PLCB1: variants seen among roughly 807,000 people sequenced by gnomAD.
PLCB1 encodes phospholipase C beta 1.
In PLCB1, 46 loss-of-function variants were observed where a neutral mutation model predicts 161.8. That is an observed-to-expected ratio of 0.28 (90% confidence interval 0.22 to 0.36). PLCB1 has a LOEUF of 0.36. Among genes scored for constraint, PLCB1 ranks in the 10% least tolerant of loss-of-function variants. The pLI is 1.00. For synonymous variants in PLCB1, 517 were observed against 503.7 expected (o/e 1.03, Z -0.35); for missense variants, 1,016 against 1,472.5 (o/e 0.69, Z 5.07).
At chr20:8,554,235 C>T (rs1262824653) in intron 3 of PLCB1, among the ~76,000 whole-genome samples, 1 of 152,060 alleles carries the variant, frequency 6.6e-6, no homozygotes, top group East Asian at 1.9e-4. Context: ...CTCCTATGGC[C>T]TAACAATTCC....
intron 3 of PLCB1, among the ~76,000 whole-genome samples, chr20:8,510,662 A>G (rs1034887669): frequency 5.9e-5 from 9 of 152,112 alleles, no homozygotes; most frequent in Non-Finnish European, 7.4e-5. Flanking sequence ...AAGTGCTGGG[A>G]TTACAGGCGT....
chr20:8,244,401 A>G (rs1192280204), intron 2 of PLCB1, among the ~76,000 whole-genome samples: 1 of 152,006 alleles, frequency 6.6e-6, no homozygotes, highest in Non-Finnish European at 1.5e-5. Flanking sequence ...CTGTTCAGCA[A>G]TAAAAAGAAT....
intron 31 of PLCB1, among the ~76,000 whole-genome samples, chr20:8,840,541 C>T (rs186365425): frequency 1.2e-3 from 187 of 152,292 alleles, no homozygotes; most frequent in African/African-American, 4.3e-3. Flanking sequence ...GAGGGACTGG[C>T]TTGAGCAAAT....
chr20:8,180,214 G>A (rs1159085614), intron 2 of PLCB1, among the ~76,000 whole-genome samples: 1 of 152,138 alleles, frequency 6.6e-6, no homozygotes, highest in Non-Finnish European at 1.5e-5. Flanking sequence ...CTGTAATCGT[G>A]TGGTTTTTGG....
intron 11 of PLCB1, among the ~76,000 whole-genome samples, chr20:8,701,281 C>T (rs1482964812): frequency 6.6e-6 from 1 of 152,174 alleles, no homozygotes; most frequent in African/African-American, 2.4e-5. Flanking sequence ...CACTGGGCTC[C>T]AACAGTACTG....
intron 2 of PLCB1, among the ~76,000 whole-genome samples, chr20:8,320,660 A>G (rs1984868490): frequency 2.0e-5 from 3 of 152,178 alleles, no homozygotes; most frequent in Admixed American, 1.3e-4. Context: ...GGTGTTTTTC[A>G]TCCTTCTCTG....
In PLCB1 at chr20:8,132,877, C is replaced by T; in HGVS notation, c.99+127C>T. ...GGGAGCGGGCAGGGGCAGCCTCGGG[C>T]GCACAGGTTGGCATCTGCCAAAGCG... is the stretch of plus-strand genomic sequence containing the variant. On this transcript the variant is annotated intron_variant, in intron 1 of 31. Coordinates refer to ENST00000338037, the MANE Select transcript of PLCB1 (RefSeq NM_015192.4). This position sits in a 1 kb window ranked among gnomAD's most constrained non-coding sequence, Gnocchi z 5.2. 4.4e-6 allele frequency: 3 copies of T among 680,490 alleles called. No individual in the cohort carries two copies. The highest frequency in any genetic ancestry group is 2.3e-5 in the Admixed American group (1 of 42,880). The allele number at this position is 680,490 out of a possible 1,614,324, so 42.2% of individuals were successfully genotyped here.
intron 2 of PLCB1, among the ~76,000 whole-genome samples, chr20:8,253,376 C>T (rs999213529): frequency 1.3e-5 from 2 of 151,948 alleles, no homozygotes; most frequent in African/African-American, 2.4e-5. Context: ...TTATATATGT[C>T]AGTCTATCTC....
chr20:8,544,081 C>CTGGG (rs931736963), intron 3 of PLCB1, among the ~76,000 whole-genome samples: 1 of 152,136 alleles, frequency 6.6e-6, no homozygotes, highest in Admixed American at 6.5e-5. Context: ...TGCTCACAAC[C>CTGGG]TGGGTGACAG....
intron 2 of PLCB1, among the ~76,000 whole-genome samples, chr20:8,292,247 T>C (rs1187628885): frequency 6.6e-6 from 1 of 152,044 alleles, no homozygotes. Context: ...TCAAAAAGCT[T>C]CTGCTTGCCT....
intron 2 of PLCB1, among the ~76,000 whole-genome samples, chr20:8,359,444 A>T (rs1156362224): frequency 6.6e-6 from 1 of 152,204 alleles, no homozygotes. Flanking sequence ...TAAAGAGAAT[A>T]TGAACATATT....
intron 31 of PLCB1, among the ~76,000 whole-genome samples, chr20:8,804,070 C>T (rs750972300): frequency 2.0e-5 from 3 of 151,822 alleles, no homozygotes; most frequent in Non-Finnish European, 4.4e-5. Context: ...TGGGATTACA[C>T]GTGTGAGCCA....
At chr20:8,569,452 T>C (rs1986437831) in intron 3 of PLCB1, among the ~76,000 whole-genome samples, 1 of 152,204 alleles carries the variant, frequency 6.6e-6, no homozygotes, top group Non-Finnish European at 1.5e-5. Context: ...GGCAGGGTAC[T>C]GTTGGTACTA....
chr20:8,768,730 C>G (rs1366958482), intron 26 of PLCB1, among the ~76,000 whole-genome samples: 1 of 152,206 alleles, frequency 6.6e-6, no homozygotes, highest in Non-Finnish European at 1.5e-5. Flanking sequence ...GTGGTGCCCC[C>G]TGAGATACTA....
chr20:8,198,829 A>G (rs2052057490), intron 2 of PLCB1, among the ~76,000 whole-genome samples: 2 of 152,066 alleles, frequency 1.3e-5, no homozygotes, highest in South Asian at 4.1e-4. Flanking sequence ...ACATGAAGCA[A>G]GAACAAATTT....
intron 17 of PLCB1, among the ~76,000 whole-genome samples, chr20:8,727,888 G>C (rs536120854): frequency 6.6e-6 from 1 of 152,060 alleles, no homozygotes; most frequent in South Asian, 2.1e-4. Context: ...ACATTACTAA[G>C]ACTGGATTTA....
chr20:8,654,714 A>G (rs1173836254), intron 7 of PLCB1, among the ~76,000 whole-genome samples: 1 of 152,030 alleles, frequency 6.6e-6, no homozygotes, highest in Non-Finnish European at 1.5e-5. Context: ...TTAGAGTATT[A>G]GACCTTGGAT....
chr20:8,756,301 A>G (rs1475929917), intron 23 of PLCB1, among the ~76,000 whole-genome samples: 2 of 152,208 alleles, frequency 1.3e-5, no homozygotes, highest in African/African-American at 4.8e-5. Flanking sequence ...GGATAAAGAA[A>G]TTGAAGCACA....
chr20:8,407,598 TG>T (rs1050050245), intron 3 of PLCB1, among the ~76,000 whole-genome samples: 3 of 152,168 alleles, frequency 2.0e-5, no homozygotes, highest in African/African-American at 4.8e-5. Flanking sequence ...GAGAATAGCA[TG>T]GGAAAGACAG....
Sources: gnomAD v4.1 joint callset for allele counts (sites outside exome capture counted in the v4.1 genomes callset) on GRCh38, gnomAD v4.1.1 for gene constraint, Gnocchi (gnomAD v3.1) non-coding constraint, MANE v1.5 for transcripts, NCBI Gene and HGNC (gene_info 2026-07-23, HGNC 2026-07-21) for gene names.